The following SDK1 variants were observed in gnomAD, a reference collection of about 807,000 sequenced individuals.
The protein encoded by SDK1 is protein sidekick-1.
SDK1 carries 157 observed loss-of-function variants against 245.5 expected under a neutral mutation model. The observed-to-expected ratio is 0.64, with a 90% CI of 0.56 to 0.73. The LOEUF (loss-of-function observed/expected upper bound fraction) is 0.73, where lower values mean the gene tolerates loss of function less well. SDK1 is among the 30% of genes least tolerant of loss of function. SDK1 has a pLI of 0.00. For missense variants in SDK1, 3,583 were observed against 3,002.3 expected (o/e 1.19, Z -4.52); for synonymous variants, 1,647 against 1,278.5 (o/e 1.29, Z -6.15).
chr7:3,527,924 G>A (rs1783202519), intron 1 of SDK1, among the ~76,000 whole-genome samples: 1 of 150,332 alleles, frequency 6.7e-6, no homozygotes. Context: ...GCCAGCTAGG[G>A]GGTGAATGGT....
chr7:3,359,516 G>C (rs993368617), intron 1 of SDK1, among the ~76,000 whole-genome samples: 1 of 152,098 alleles, frequency 6.6e-6, no homozygotes, highest in Admixed American at 6.5e-5. Flanking sequence ...TTTTTTGATT[G>C]TCTATTTTTG....
intron 28 of SDK1, among the ~76,000 whole-genome samples, chr7:4,143,729 G>A (rs760344763): frequency 1.3e-5 from 2 of 152,158 alleles, no homozygotes; most frequent in Non-Finnish European, 2.9e-5. Context: ...CTCACAGATC[G>A]GCATGGGTGT....
At chr7:4,069,385 G>T (rs1780102092) in intron 20 of SDK1, among the ~76,000 whole-genome samples, 1 of 152,246 alleles carries the variant, frequency 6.6e-6, no homozygotes. Context: ...ACACTTCTGT[G>T]TCAGCCCTCT....
chr7:3,721,251 C>A (rs1000836837), intron 4 of SDK1, among the ~76,000 whole-genome samples: 47 of 152,118 alleles, frequency 3.1e-4, no homozygotes, highest in African/African-American at 1.1e-3. Context: ...TTACACCCAT[C>A]CATGAGTGCA....
At chr7:4,039,806 C>T (rs80084741) in intron 17 of SDK1, among the ~76,000 whole-genome samples, 4 of 152,084 alleles carry the variant, frequency 2.6e-5, no homozygotes, top group Non-Finnish European at 4.4e-5. Context: ...AAATTTACAT[C>T]ATCACTAGCC....
At chr7:4,109,429 C>G (rs536273132) in intron 22 of SDK1, among the ~76,000 whole-genome samples, 1 of 152,350 alleles carries the variant, frequency 6.6e-6, no homozygotes, top group Admixed American at 6.5e-5. Flanking sequence ...TTGGTTTCCT[C>G]TGCACACTTA....
intron 5 of SDK1, among the ~76,000 whole-genome samples, chr7:3,859,538 C>G (rs962832252): frequency 6.6e-6 from 1 of 152,114 alleles, no homozygotes; most frequent in African/African-American, 2.4e-5. Context: ...CTCTACCATT[C>G]TCAGCATTGG....
At chr7:3,657,040 C>T (rs1352969311) in intron 4 of SDK1, among the ~76,000 whole-genome samples, 2 of 152,190 alleles carry the variant, frequency 1.3e-5, no homozygotes, top group African/African-American at 2.4e-5. Context: ...AGCCACCGCG[C>T]CCGGCCTTGG....
At chr7:3,328,838 T>G (rs562569327) in intron 1 of SDK1, among the ~76,000 whole-genome samples, 1 of 152,242 alleles carries the variant, frequency 6.6e-6, no homozygotes, top group Admixed American at 6.5e-5. Context: ...TTAGGTTGTT[T>G]GGTTGTCTTT....
chr7:4,263,211 G>C (rs913896083), intron 44 of SDK1, among the ~76,000 whole-genome samples: 1 of 87,486 alleles, frequency 1.1e-5, no homozygotes, highest in Non-Finnish European at 2.1e-5. Context: ...CCCTGTACCT[G>C]GTCACCTCCA....
At chr7:4,207,963 G>A (rs1784317659) in intron 36 of SDK1, 136 bp from the exon 37 acceptor site, 1 of 670,238 alleles carries the variant, frequency 1.5e-6, no homozygotes, top group African/African-American at 1.8e-5. Flanking sequence ...CCAGGAGGGA[G>A]CCTTTCCACC....
intron 5 of SDK1, among the ~76,000 whole-genome samples, chr7:3,934,033 A>ACCAG (rs1418258276): frequency 1.3e-5 from 2 of 152,200 alleles, no homozygotes; most frequent in Non-Finnish European, 2.9e-5. Flanking sequence ...GGGGGCATTC[A>ACCAG]CCAGCCGCAC....
intron 17 of SDK1, among the ~76,000 whole-genome samples, chr7:4,020,157 G>A (rs896716118): frequency 5.9e-5 from 9 of 152,146 alleles, no homozygotes; most frequent in Admixed American, 1.3e-4. Flanking sequence ...TTTGTTCGAG[G>A]GACATGCTTG....
At chr7:3,516,294 A>G (rs757278912) in intron 1 of SDK1, among the ~76,000 whole-genome samples, 11 of 152,010 alleles carry the variant, frequency 7.2e-5, no homozygotes, top group Non-Finnish European at 1.6e-4. Flanking sequence ...ATGTTTACTT[A>G]TACATGCAGC....
chr7:3,801,387 A>G (rs1779102738), intron 4 of SDK1, among the ~76,000 whole-genome samples: 1 of 152,340 alleles, frequency 6.6e-6, no homozygotes, highest in South Asian at 2.1e-4. Flanking sequence ...TCCCTGTTTC[A>G]TGACCCTAGA....
At chr7:3,990,710 C>T (rs1354889489) in intron 14 of SDK1, among the ~76,000 whole-genome samples, 4 of 152,210 alleles carry the variant, frequency 2.6e-5, no homozygotes, top group African/African-American at 4.8e-5. Flanking sequence ...AGTACGTACT[C>T]AGCAAATGAG....
At chr7:3,508,483 A>G (rs933625133) in intron 1 of SDK1, among the ~76,000 whole-genome samples, 2 of 151,986 alleles carry the variant, frequency 1.3e-5, no homozygotes, top group South Asian at 2.1e-4. Context: ...GCCCGCCACC[A>G]TGCCTGACTA....
intron 4 of SDK1, among the ~76,000 whole-genome samples, chr7:3,796,562 T>C (rs1778966349): frequency 6.6e-6 from 1 of 152,120 alleles, no homozygotes; most frequent in Non-Finnish European, 1.5e-5. Context: ...ACCTGCTGGC[T>C]CCACTTTCAG....
At chr7:3,703,969 A>G (rs1436072321) in intron 4 of SDK1, among the ~76,000 whole-genome samples, 1 of 152,158 alleles carries the variant, frequency 6.6e-6, no homozygotes, top group East Asian at 1.9e-4. Flanking sequence ...GATGAATTGT[A>G]TGGTGGTGAA....
Sources: allele counts gnomAD v4.1 joint callset (sites outside exome capture counted in the v4.1 genomes callset), GRCh38; gene constraint gnomAD v4.1.1; transcripts MANE v1.5; gene names NCBI Gene and HGNC (gene_info 2026-07-23, HGNC 2026-07-21).